SH3RF2: variants seen among roughly 807,000 people sequenced by gnomAD.
The protein encoded by SH3RF2 is SH3 domain containing ring finger 2.
A neutral mutation model predicts 59.0 loss-of-function variants in SH3RF2; 43 were observed. That is an observed-to-expected ratio of 0.73 (90% CI 0.57 to 0.94). The LOEUF (loss-of-function observed/expected upper bound fraction) is 0.94, where lower values mean the gene tolerates loss of function less well. Ranked by LOEUF, SH3RF2 falls within the 40% of genes least tolerant of loss-of-function variation. The pLI, the probability that SH3RF2 is intolerant of heterozygous loss-of-function variation, is 0.00. For missense variants in SH3RF2, 930 were observed against 940.1 expected (o/e 0.99, Z 0.14); for synonymous variants, 391 against 391.5 (o/e 1.00, Z 0.01).
At chr5:146,040,761 T>C (rs903781702) in intron 5 of SH3RF2, among the ~76,000 whole-genome samples, 3 of 152,200 alleles carry the variant, frequency 2.0e-5, no homozygotes, top group Non-Finnish European at 2.9e-5. Context: ...TGGCTGCTCC[T>C]TGCTCATCAA....
chr5:145,974,786 AAGG>A (rs1182250532), intron 2 of SH3RF2, among the ~76,000 whole-genome samples: 8 of 152,140 alleles, frequency 5.3e-5, no homozygotes, highest in African/African-American at 1.9e-4. Context: ...GAGGTGGGAG[AAGG>A]AGGAGAAAAG....
chr5:145,950,921 T>A (rs747192436), intron 2 of SH3RF2, among the ~76,000 whole-genome samples: 19 of 152,182 alleles, frequency 1.2e-4, no homozygotes, highest in Non-Finnish European at 2.6e-4. Flanking sequence ...CCATGTGACA[T>A]GAAATGTATC....
chr5:145,970,799 C>CT (rs34920381), intron 2 of SH3RF2, among the ~76,000 whole-genome samples: 1 of 151,792 alleles, frequency 6.6e-6, no homozygotes, highest in Non-Finnish European at 1.5e-5. Context: ...AGCTGTGATA[C>CT]TTTTTTTTAA....
chr5:146,056,253 A>T lies in SH3RF2; in HGVS notation c.1555+40A>T, dbSNP rs1485927311. 3 of 1,612,106 alleles carry T rather than the reference A, an allele frequency of 1.9e-6. No homozygotes were observed. The South Asian group carries it at 3.3e-5, about 18-fold the overall frequency. On this transcript the variant is annotated intron_variant, in intron 8 of 9. Coordinates refer to ENST00000359120, the MANE Select transcript of SH3RF2 (RefSeq NM_152550.4). ...AGAGGTACGTGCCTAGAGCTAAGTG[A>T]TGGGGGGAATCTGACCCAGGGGTAC...
chr5:146,073,388 T>A (rs376340918), intron 9 of SH3RF2, among the ~76,000 whole-genome samples: 7 of 152,244 alleles, frequency 4.6e-5, no homozygotes, highest in African/African-American at 1.7e-4. Flanking sequence ...GTTTATGAAA[T>A]GTCCATTCTG....
chr5:146,062,500 A>G lies in SH3RF2; in HGVS notation c.1989A>G (p.Gly663=). 6.2e-7 allele frequency: 1 copy of G among 1,614,166 alleles called. No homozygotes were observed. ...ATTACACCTCCCATCCCACCTCCGG[A>G]AAGCCTGAACAGCCAGCCACCCTCA... ...TKHYTSHPTS[G]KPEQPATLKA... The change falls in exon 10 of 10, where the codon GGA becomes GGG. Residue 663 remains glycine, a synonymous_variant. Coordinates refer to ENST00000359120, the MANE Select transcript of SH3RF2 (RefSeq NM_152550.4).
intron 2 of SH3RF2, among the ~76,000 whole-genome samples, chr5:145,963,941 T>A (rs1190666615): frequency 1.3e-5 from 2 of 151,628 alleles, no homozygotes; most frequent in African/African-American, 4.8e-5. Context: ...CACGCCATTC[T>A]CCTGCCTCAG....
intron 2 of SH3RF2, among the ~76,000 whole-genome samples, chr5:145,967,587 T>A (rs1021143043): frequency 3.3e-5 from 5 of 152,236 alleles, no homozygotes. Flanking sequence ...AACGTGGGAC[T>A]GTCTCTATCT....
At chr5:145,981,283 G>A (rs1013020367) in intron 2 of SH3RF2, among the ~76,000 whole-genome samples, 1 of 151,928 alleles carries the variant, frequency 6.6e-6, no homozygotes, top group African/African-American at 2.4e-5. Context: ...ATTTTTTGTA[G>A]AGACAGGGTC....
At chr5:146,039,250 A>T (rs547106513) in intron 5 of SH3RF2, among the ~76,000 whole-genome samples, 1 of 152,356 alleles carries the variant, frequency 6.6e-6, no homozygotes, top group African/African-American at 2.4e-5. Context: ...AACTTATTGA[A>T]GACTGTTTAA....
intron 5 of SH3RF2, among the ~76,000 whole-genome samples, chr5:146,038,224 A>G (rs1304064021): frequency 2.6e-5 from 4 of 152,248 alleles, no homozygotes; most frequent in Non-Finnish European, 4.4e-5. Flanking sequence ...GGCAAACATC[A>G]TACTTAATGG....
At chr5:145,939,991 G>T (rs1757754435) in intron 2 of SH3RF2, among the ~76,000 whole-genome samples, 2 of 152,190 alleles carry the variant, frequency 1.3e-5, no homozygotes, top group African/African-American at 4.8e-5. Context: ...GCGATGAATG[G>T]ATCCACAGCT....
At chr5:146,068,338 G>A (rs756952636) in intron 9 of SH3RF2, among the ~76,000 whole-genome samples, 6 of 152,196 alleles carry the variant, frequency 3.9e-5, no homozygotes, top group South Asian at 4.1e-4. Flanking sequence ...CAGGCAGAAC[G>A]GCAAAGTCCT....
At chr5:145,942,008 T>C (rs1561701513) in intron 2 of SH3RF2, among the ~76,000 whole-genome samples, 1 of 152,318 alleles carries the variant, frequency 6.6e-6, no homozygotes, top group East Asian at 1.9e-4. Flanking sequence ...CCCTGATTTT[T>C]GCATTGTTTT....
rs1010585725 is a variant in SH3RF2 at position 146,004,063 on chromosome 5, T to C, written c.654T>C (p.Asp218=). ...NQDCLTFLKD[D]IITVISRVDE... ...CATGAGACTTTCTCTTTCAGGACGA[T>C]ATCATCACTGTGATCAGCCGAGTGG... The change falls in exon 4 of 10, where the codon GAT becomes GAC. Residue 218 remains aspartate (D), a synonymous_variant. Coordinates refer to ENST00000359120, the MANE Select transcript of SH3RF2 (RefSeq NM_152550.4). 9 of 1,611,834 alleles carry C rather than the reference T, an allele frequency of 5.6e-6. No individual in the cohort carries two copies. Among genetic ancestry groups the C allele is most frequent in the African/African-American group, 5.3e-5 (4 of 74,858 alleles).
intron 2 of SH3RF2, among the ~76,000 whole-genome samples, chr5:145,991,787 A>C (rs1759942708): frequency 6.6e-6 from 1 of 152,218 alleles, no homozygotes. Context: ...TAAAATATGT[A>C]AGCTACTTGC....
chr5:145,998,106 T>G (rs1393705671), intron 2 of SH3RF2: 2 of 533,262 alleles, frequency 3.8e-6, no homozygotes, highest in African/African-American at 3.8e-5. Flanking sequence ...AACTGATACA[T>G]AGAGTATTAT....
At chr5:146,009,912 G>T (rs1033056639) in intron 4 of SH3RF2, among the ~76,000 whole-genome samples, 3 of 152,026 alleles carry the variant, frequency 2.0e-5, no homozygotes, top group Non-Finnish European at 4.4e-5. Flanking sequence ...AAGTTCTAGG[G>T]TATATGTGCA....
chr5:145,986,120 G>A (rs1003792418), intron 2 of SH3RF2, among the ~76,000 whole-genome samples: 2 of 152,156 alleles, frequency 1.3e-5, no homozygotes, highest in African/African-American at 2.4e-5. Context: ...AACAGGCCCA[G>A]AGAGGTTCAG....
Sources: allele counts gnomAD v4.1 joint callset (sites outside exome capture counted in the v4.1 genomes callset), GRCh38; gene constraint gnomAD v4.1.1; transcripts MANE v1.5; gene names NCBI Gene and HGNC (gene_info 2026-07-23, HGNC 2026-07-21).